Variants in SNX18 observed in about 807,000 individuals in gnomAD.
SNX18 encodes sorting nexin-18.
Under a neutral mutation model 48.7 loss-of-function variants are expected in SNX18, and 35 were observed. The observed-to-expected ratio is 0.72, with a 90% CI of 0.55 to 0.95. The LOEUF is 0.95. Ranked by LOEUF, SNX18 falls within the 40% of genes least tolerant of loss-of-function variation. The probability of loss-of-function intolerance (pLI) is 0.00; values close to 1 mark genes in which losing one functional copy is unlikely to be tolerated. For missense variants in SNX18, 824 were observed against 871.0 expected (o/e 0.95, Z 0.68); for synonymous variants, 492 against 384.7 (o/e 1.28, Z -3.26).
At chr5:54,534,058 C>G (rs1446052903) in intron 1 of SNX18, among the ~76,000 whole-genome samples, 1 of 151,988 alleles carries the variant, frequency 6.6e-6, no homozygotes, top group Non-Finnish European at 1.5e-5. Context: ...AAAAACAGGC[C>G]GAGTCCAGTC....
chr5:54,542,143 T>C (rs1207886800), intron 1 of SNX18, among the ~76,000 whole-genome samples: 1 of 152,186 alleles, frequency 6.6e-6, no homozygotes, highest in Non-Finnish European at 1.5e-5. Flanking sequence ...TTCAAGTGAT[T>C]TGAGCTTTAT....
chr5:54,592,730 T>C, the SNX18 span, among the ~76,000 whole-genome samples: 11 of 152,322 alleles, frequency 7.2e-5, no homozygotes, highest in East Asian at 7.7e-4. Flanking sequence ...GGATTTTCAA[T>C]GTAAGATGAT....
At position 54,536,404 on chromosome 5, in the gene SNX18, C is replaced by T. The variant is rs1172629876; in HGVS notation, c.1622-6775C>T. Among the ~76,000 whole-genome samples the T allele has an allele frequency of 3.3e-5, 5 of 149,816 alleles. 1 individual carries two copies. Among genetic ancestry groups the T allele is most frequent in the Admixed American group, 2.0e-4 (3 of 15,026 alleles). On this transcript the variant is annotated intron_variant, in intron 1 of 1. Transcript: ENST00000381410. ...CCTCCCCCAACCCCACGACAGGCCC[C>T]GGTGTGTGATGTTCCCCTTCCTGTG...
the SNX18 span, among the ~76,000 whole-genome samples, chr5:54,602,219 G>A: frequency 2.6e-5 from 4 of 152,156 alleles, no homozygotes; most frequent in Admixed American, 2.6e-4. Flanking sequence ...GTAAGCAAAG[G>A]CTGAAGACCT....
chr5:54,590,953 G>A, the SNX18 span, among the ~76,000 whole-genome samples: 1 of 152,142 alleles, frequency 6.6e-6, no homozygotes. Flanking sequence ...ATGGCTTAGT[G>A]AAAGCTAAAG....
At chr5:54,604,663 A>G in the SNX18 span, among the ~76,000 whole-genome samples, 3 of 152,188 alleles carry the variant, frequency 2.0e-5, no homozygotes, top group Non-Finnish European at 2.9e-5. Flanking sequence ...TTAGTTTGGC[A>G]AGATGAAAAA....
chr5:54,564,189 C>T, the SNX18 span, among the ~76,000 whole-genome samples: 3 of 152,016 alleles, frequency 2.0e-5, no homozygotes, highest in Non-Finnish European at 4.4e-5. Flanking sequence ...TAGCTTGAAC[C>T]TGTGAGGCGG....
chr5:54,626,181 T>C, the SNX18 span, among the ~76,000 whole-genome samples: 3 of 152,252 alleles, frequency 2.0e-5, no homozygotes, highest in African/African-American at 7.2e-5. Context: ...AGATATGTCA[T>C]TACCTTTTAA....
the SNX18 span, among the ~76,000 whole-genome samples, chr5:54,613,761 C>T: frequency 1.3e-5 from 2 of 152,042 alleles, no homozygotes; most frequent in Non-Finnish European, 2.9e-5. Context: ...TACAATGGTG[C>T]GATCTCGGCT....
the SNX18 span, among the ~76,000 whole-genome samples, chr5:54,575,887 C>A: frequency 6.6e-6 from 1 of 152,148 alleles, no homozygotes; most frequent in African/African-American, 2.4e-5. Context: ...TGCCACTAGT[C>A]CAGACCCTTT....
the SNX18 span, among the ~76,000 whole-genome samples, chr5:54,641,437 A>T: frequency 6.6e-6 from 1 of 152,170 alleles, no homozygotes. Context: ...CACATAAAAT[A>T]AACAGGAGCT....
chr5:54,598,362 A>T, the SNX18 span, among the ~76,000 whole-genome samples: 1 of 152,328 alleles, frequency 6.6e-6, no homozygotes, highest in Non-Finnish European at 1.5e-5. Context: ...ATTGAAAAGG[A>T]GGGACTCCTC....
chr5:54,522,321 C>T (rs1418120986), intron 1 of SNX18, among the ~76,000 whole-genome samples: 1 of 152,154 alleles, frequency 6.6e-6, no homozygotes, highest in African/African-American at 2.4e-5. Flanking sequence ...CTGTTACACA[C>T]TTGAAATATG....
At chr5:54,574,999 A>T in the SNX18 span, among the ~76,000 whole-genome samples, 1 of 152,190 alleles carries the variant, frequency 6.6e-6, no homozygotes, top group East Asian at 1.9e-4. Flanking sequence ...CTGCCACAGC[A>T]GTGTTTTTGG....
chr5:54,645,474 T>A, the SNX18 span: 1 of 152,220 alleles, frequency 6.6e-6, no homozygotes, highest in African/African-American at 2.4e-5. Flanking sequence ...AGAGAAAACT[T>A]CTTGGAAGAG....
In SNX18 at chr5:54,518,417, C is replaced by G. The variant is rs537227406; in HGVS notation, c.465C>G (p.Asp155Glu). The G allele has an allele frequency of 2.3e-4, 364 of 1,585,526 alleles. 3 individuals carry two copies. In the South Asian group the frequency reaches 3.9e-3, roughly 17 times the overall value. ...QASQGSDDDW[D>E]DEWDDSSTVA... ...GCCAAGGCAGCGATGATGACTGGGACGACGAGTGGGACGACAGCTCCACGG... is the reference window on the plus strand; with the variant it reads ...GCCAAGGCAGCGATGATGACTGGGAGGACGAGTGGGACGACAGCTCCACGG... Residue 155 changes from aspartate (D) to glutamate (E), a missense_variant, in exon 1 of 2, where the codon GAC becomes GAG. Coordinates refer to ENST00000381410, the MANE Select transcript of SNX18 (RefSeq NM_001102575.2).
the SNX18 span, among the ~76,000 whole-genome samples, chr5:54,625,798 C>T: frequency 1.3e-5 from 2 of 152,108 alleles, no homozygotes; most frequent in Non-Finnish European, 2.9e-5. Context: ...TGATCCAAAC[C>T]TGGCCAACGA....
chr5:54,604,565 A>C, the SNX18 span, among the ~76,000 whole-genome samples: 12 of 152,258 alleles, frequency 7.9e-5, no homozygotes, highest in African/African-American at 2.9e-4. Flanking sequence ...TTGAATAGGC[A>C]AATTCATAGA....
chr5:54,575,220 G>T, the SNX18 span, among the ~76,000 whole-genome samples: 1 of 151,760 alleles, frequency 6.6e-6, no homozygotes, highest in Non-Finnish European at 1.5e-5. Flanking sequence ...CCACCACGCC[G>T]GAGAGAAAGA....
Sources: allele counts gnomAD v4.1 joint callset (sites outside exome capture counted in the v4.1 genomes callset), GRCh38; gene constraint gnomAD v4.1.1; transcripts MANE v1.5; gene names NCBI Gene and HGNC (gene_info 2026-07-23, HGNC 2026-07-21).